The following TAB1 variants were observed in gnomAD, a reference collection of about 807,000 sequenced individuals.
The protein encoded by TAB1 is TGF-beta-activated kinase 1 and MAP3K7-binding protein 1.
Under a neutral mutation model 54.5 loss-of-function variants are expected in TAB1, and 30 were observed. The observed-to-expected ratio is 0.55, with a 90% CI of 0.41 to 0.75. TAB1 has a LOEUF of 0.75. Ranked by LOEUF, TAB1 falls within the 30% of genes least tolerant of loss-of-function variation. The probability of loss-of-function intolerance (pLI) is 0.00; values close to 1 mark genes in which losing one functional copy is unlikely to be tolerated. For missense variants in TAB1, 609 were observed against 683.2 expected, an observed-to-expected ratio of 0.89 and a Z score of 1.21; for synonymous variants, 289 against 286.9, an observed-to-expected ratio of 1.01 and a Z score of -0.07.
intron 1 of TAB1, among the ~76,000 whole-genome samples, chr22:39,406,440 A>T (rs1036498048): frequency 6.7e-6 from 1 of 148,244 alleles, no homozygotes; most frequent in Non-Finnish European, 1.5e-5. Context: ...AGTGAAAGAT[A>T]GTTTCTTGAA....
intron 6 of TAB1, 147 bp downstream of exon 6, chr22:39,418,992 C>T (rs541581374): frequency 1.5e-5 from 10 of 662,210 alleles, no homozygotes; most frequent in East Asian, 2.7e-5. Flanking sequence ...CCAGCACTGC[C>T]GCTTACTGGT....
At chr22:39,422,211 G>T (rs779819864) in intron 8 of TAB1, among the ~76,000 whole-genome samples, 1 of 152,122 alleles carries the variant, frequency 6.6e-6, no homozygotes, top group Non-Finnish European at 1.5e-5. Context: ...GAAGGGAAGA[G>T]GGGGAGATGG....
intron 10 of TAB1, among the ~76,000 whole-genome samples, chr22:39,428,942 G>GC (rs1927468682): frequency 6.6e-6 from 1 of 152,242 alleles, no homozygotes. Flanking sequence ...GGCTAGAAAG[G>GC]CCTGCCAGGC....
At chr22:39,418,681 C>A in intron 5 of TAB1, 51 bp from the exon 6 acceptor site, 2 of 1,356,028 alleles carry the variant, frequency 1.5e-6, no homozygotes, top group African/African-American at 1.4e-5. Flanking sequence ...CCGGTATGCC[C>A]TATTTCTCTC....
At chr22:39,429,564 G>A (rs887632516) in intron 10 of TAB1, among the ~76,000 whole-genome samples, 5 of 152,158 alleles carry the variant, frequency 3.3e-5, no homozygotes, top group Non-Finnish European at 7.4e-5. Context: ...TGCAACCTCT[G>A]CCTCCCAGGT....
At position 39,431,777 on chromosome 22, in the gene TAB1, T is replaced by G. The variant is rs1266981404; in HGVS notation, c.*1555T>G. ...AAAGGCTTGGGAACAAAAGGAATTC[T>G]CTTCCAAGAATGCCTCTGTGGTGCT... is the stretch of plus-strand genomic sequence containing the variant. On this transcript the variant is annotated 3_prime_UTR_variant, in exon 11 of 11. Transcript: ENST00000216160. The G allele has an allele frequency of 1.0e-6, 1 of 985,378 alleles. No homozygotes were observed. Among genetic ancestry groups the G allele is most frequent in the Non-Finnish European group, 1.2e-6 (1 of 829,946 alleles). The allele number at this position is 985,378 out of a possible 1,614,324, so 61.0% of individuals were successfully genotyped here.
At chr22:39,432,643 C>T (rs992415567), downstream of TAB1, 40 of 642,404 alleles carry the variant, frequency 6.2e-5, no homozygotes, top group South Asian at 3.5e-4. Flanking sequence ...CCCTGCCACC[C>T]GAGAGAGAGA....
At chr22:39,404,565 T>TA (rs956258923) in intron 1 of TAB1, among the ~76,000 whole-genome samples, 50 of 143,346 alleles carry the variant, frequency 3.5e-4, no homozygotes, top group Middle Eastern at 3.5e-3. Flanking sequence ...AAGACCTGTT[T>TA]AAAAAAAAAA....
At chr22:39,409,129 A>C (rs1463689670) in intron 1 of TAB1, among the ~76,000 whole-genome samples, 1 of 152,212 alleles carries the variant, frequency 6.6e-6, no homozygotes, top group Non-Finnish European at 1.5e-5. Flanking sequence ...CACCTGTGGC[A>C]CTTTGGGGTG....
At chr22:39,423,990 C>T (rs993907051) in intron 8 of TAB1, among the ~76,000 whole-genome samples, 6 of 151,640 alleles carry the variant, frequency 4.0e-5, no homozygotes, top group African/African-American at 1.4e-4. Flanking sequence ...AGTGTTTTAT[C>T]CCTAGCACCA....
At chr22:39,433,727 T>C (rs1601704761), downstream of TAB1, 2 of 985,256 alleles carry the variant, frequency 2.0e-6, no homozygotes, top group South Asian at 9.4e-5. Flanking sequence ...CCAGTGGCAG[T>C]GGGGGCAGCC....
chr22:39,407,038 C>A (rs1393946971), intron 1 of TAB1, among the ~76,000 whole-genome samples: 1 of 152,166 alleles, frequency 6.6e-6, no homozygotes. Context: ...GGGCAAAATT[C>A]AAAACTTTCG....
intron 6 of TAB1, among the ~76,000 whole-genome samples, chr22:39,419,146 C>T (rs994012355): frequency 6.6e-6 from 1 of 152,202 alleles, no homozygotes; most frequent in African/African-American, 2.4e-5. Context: ...AAGACACTTA[C>T]TGTTATTGGT....
intron 10 of TAB1, 73 bp downstream of exon 10, chr22:39,428,256 A>G: frequency 9.2e-7 from 1 of 1,084,014 alleles, no homozygotes; most frequent in Non-Finnish European, 1.3e-6. Context: ...CAGGACAGAA[A>G]TGGCCATGGG....
At chr22:39,429,068 G>A in intron 10 of TAB1, 1 of 985,408 alleles carries the variant, frequency 1.0e-6, no homozygotes, top group Non-Finnish European at 1.2e-6. Context: ...GAGCGCTGTG[G>A]CCCTAGACAA....
intron 8 of TAB1, among the ~76,000 whole-genome samples, chr22:39,423,162 G>GT (rs1226047372): frequency 1.3e-5 from 2 of 151,732 alleles, no homozygotes; most frequent in Non-Finnish European, 2.9e-5. Context: ...TCTTTGTTTT[G>GT]TTTTTTTGGT....
chr22:39,420,998 G>A (rs1927063319), intron 7 of TAB1, among the ~76,000 whole-genome samples: 1 of 150,532 alleles, frequency 6.6e-6, no homozygotes, highest in Non-Finnish European at 1.5e-5. Context: ...GCCCCTCCCA[G>A]GTGCTGGTGT....
downstream of TAB1, chr22:39,436,543 ACCT>A (rs772413617): frequency 1.9e-6 from 3 of 1,614,042 alleles, no homozygotes; most frequent in Non-Finnish European, 2.5e-6. Flanking sequence ...TGCCAACTAA[ACCT>A]CCTGGGCAGC....
chr22:39,417,656 C>A, intron 4 of TAB1, 55 bp from the exon 5 acceptor site: 1 of 1,505,988 alleles, frequency 6.6e-7, no homozygotes, highest in Non-Finnish European at 8.9e-7. Flanking sequence ...GTGGAGAGGG[C>A]TAGGAAGATG....
Sources: gnomAD v4.1 joint callset for allele counts (sites outside exome capture counted in the v4.1 genomes callset) on GRCh38, gnomAD v4.1.1 for gene constraint, MANE v1.5 for transcripts, NCBI Gene and HGNC (gene_info 2026-07-23, HGNC 2026-07-21) for gene names.